Variants in PLCE1 observed in about 807,000 individuals in gnomAD.
The protein encoded by PLCE1 is 1-phosphatidylinositol 4,5-bisphosphate phosphodiesterase epsilon-1.
Under a neutral mutation model 242.8 loss-of-function variants are expected in PLCE1, and 119 were observed. That is an observed-to-expected ratio of 0.49 (90% CI 0.42 to 0.57). The LOEUF (loss-of-function observed/expected upper bound fraction) is 0.57, where lower values mean the gene tolerates loss of function less well. Among genes scored for constraint, PLCE1 ranks in the 20% least tolerant of loss-of-function variants. The pLI, the probability that PLCE1 is intolerant of heterozygous loss-of-function variation, is 0.00. For synonymous variants in PLCE1, 945 were observed against 1,017.4 expected (o/e 0.93, Z 1.35); for missense variants, 2,441 against 2,788.8 (o/e 0.88, Z 2.81).
At chr10:94,110,058 CTTTTTTT>C (rs33974566) in intron 2 of PLCE1, among the ~76,000 whole-genome samples, 2 of 75,890 alleles carry the variant, frequency 2.6e-5, no homozygotes, top group South Asian at 6.2e-4. Flanking sequence ...TTTCTTTTTT[CTTTTTTT>C]TTTTTTTTTT....
intron 5 of PLCE1, among the ~76,000 whole-genome samples, chr10:94,231,765 G>A (rs909656130): frequency 6.6e-6 from 1 of 152,136 alleles, no homozygotes; most frequent in African/African-American, 2.4e-5. Context: ...CTCATAAGGA[G>A]CGTGCAACCT....
chr10:94,192,564 G>A (rs371856236), intron 4 of PLCE1, among the ~76,000 whole-genome samples: 7 of 152,070 alleles, frequency 4.6e-5, no homozygotes, highest in East Asian at 3.9e-4. Context: ...TGGTATATAC[G>A]TATATCCAAT....
At chr10:94,164,006 T>G (rs186992464) in intron 3 of PLCE1, among the ~76,000 whole-genome samples, 3 of 152,242 alleles carry the variant, frequency 2.0e-5, no homozygotes, top group African/African-American at 7.2e-5. Context: ...TTGTAGAGTT[T>G]CTGCCGAGAG....
At chr10:94,054,735 G>A (rs567124042) in intron 2 of PLCE1, among the ~76,000 whole-genome samples, 79 of 152,126 alleles carry the variant, frequency 5.2e-4, no homozygotes, top group Admixed American at 7.2e-4. Context: ...TGTTCAGGCC[G>A]AGTGCAGTGG....
At chr10:94,110,951 A>G (rs936349781) in intron 2 of PLCE1, among the ~76,000 whole-genome samples, 3 of 152,216 alleles carry the variant, frequency 2.0e-5, no homozygotes, top group Non-Finnish European at 4.4e-5. Context: ...TGCCTGTAGC[A>G]TGCCCTCAGT....
At chr10:94,246,901 C>A (rs1056344442) in intron 8 of PLCE1, among the ~76,000 whole-genome samples, 9 of 152,154 alleles carry the variant, frequency 5.9e-5, no homozygotes, top group Non-Finnish European at 2.9e-5. Flanking sequence ...CACCCAAGGT[C>A]AGGAGTTTGA....
chr10:94,149,520 G>T (rs1243746616), intron 3 of PLCE1, among the ~76,000 whole-genome samples: 2 of 152,184 alleles, frequency 1.3e-5, no homozygotes, highest in East Asian at 1.9e-4. Flanking sequence ...GCAACTAAAA[G>T]TGTGGTCCCA....
intron 4 of PLCE1, among the ~76,000 whole-genome samples, chr10:94,207,555 A>G (rs920716032): frequency 7.2e-6 from 1 of 137,984 alleles, no homozygotes; most frequent in African/African-American, 2.9e-5. Flanking sequence ...GTGTGTGTGT[A>G]TAGACTTTTT....
intron 2 of PLCE1, among the ~76,000 whole-genome samples, chr10:94,053,614 G>T (rs912895733): frequency 6.6e-6 from 1 of 152,190 alleles, no homozygotes; most frequent in Non-Finnish European, 1.5e-5. Context: ...CTCAAGAAAG[G>T]CTTATTGAAT....
chr10:94,058,988 G>A (rs1284770805), intron 2 of PLCE1, among the ~76,000 whole-genome samples: 1 of 152,104 alleles, frequency 6.6e-6, no homozygotes, highest in East Asian at 1.9e-4. Context: ...GTACCTATGG[G>A]CATATAGTTT....
At chr10:94,256,544 A>T (rs1270646278) in intron 11 of PLCE1, among the ~76,000 whole-genome samples, 2 of 152,080 alleles carry the variant, frequency 1.3e-5, no homozygotes, top group East Asian at 3.9e-4. Flanking sequence ...TTTTATGTAA[A>T]TTTAGATTCA....
At chr10:94,202,342 G>A (rs1253407427) in intron 4 of PLCE1, among the ~76,000 whole-genome samples, 3 of 151,856 alleles carry the variant, frequency 2.0e-5, no homozygotes, top group African/African-American at 7.3e-5. Flanking sequence ...GCCTTTAAAG[G>A]ATATGTAGCA....
chr10:94,002,660 AC>A (rs1299989065), intron 1 of PLCE1, among the ~76,000 whole-genome samples: 3 of 152,208 alleles, frequency 2.0e-5, no homozygotes, highest in Non-Finnish European at 4.4e-5. Context: ...TCCAATACTT[AC>A]AATTGAGGGG....
intron 3 of PLCE1, among the ~76,000 whole-genome samples, chr10:94,141,674 A>AAAGGAAGG (rs1554865142): frequency 9.3e-6 from 1 of 107,120 alleles, no homozygotes; most frequent in Non-Finnish European, 1.8e-5. Flanking sequence ...GGGAGGGAGG[A>AAAGGAAGG]AAGAAAGAAG....
Position 94,283,813 on chromosome 10 carries a change from G to A in PLCE1, c.4819G>A (p.Glu1607Lys). The A allele has an allele frequency of 1.2e-6, 2 of 1,611,926 alleles. No homozygotes were observed. The highest frequency in any genetic ancestry group is 1.7e-6 in the Non-Finnish European group (2 of 1,178,520). ...AGACAACATTCTGGAAGACAGACCT[G>A]AAAATAAATCATGTAATGACAAGCT... ...SDDNILEDRP[E>K]NKSCNDKLQF... Residue 1607 changes from glutamate to lysine, a missense_variant, in exon 21 of 33, where the codon GAA becomes AAA. Around this residue, in one of 5 missense-constraint regions of PLCE1, gnomAD observed 1,004 missense variants for 1,322.7 expected, o/e 0.76. Coordinates refer to ENST00000371380, the MANE Select transcript of PLCE1 (RefSeq NM_016341.4).
intron 1 of PLCE1, among the ~76,000 whole-genome samples, chr10:94,028,920 T>C (rs1267196834): frequency 6.6e-6 from 1 of 152,070 alleles, no homozygotes; most frequent in Non-Finnish European, 1.5e-5. Flanking sequence ...TTTCAAAAGG[T>C]GGACCCTAAT....
At chr10:94,066,074 G>C (rs561826283) in intron 2 of PLCE1, among the ~76,000 whole-genome samples, 1 of 152,218 alleles carries the variant, frequency 6.6e-6, no homozygotes, top group South Asian at 2.1e-4. Flanking sequence ...ATACTCTCAG[G>C]GGGAGGAGAA....
intron 1 of PLCE1, among the ~76,000 whole-genome samples, chr10:94,020,150 T>C (rs1259040717): frequency 6.6e-6 from 1 of 152,226 alleles, no homozygotes; most frequent in Non-Finnish European, 1.5e-5. Context: ...GCTCTATGTT[T>C]TTACCAACTT....
intron 3 of PLCE1, among the ~76,000 whole-genome samples, chr10:94,137,171 C>T (rs542264310): frequency 5.3e-5 from 8 of 152,104 alleles, no homozygotes; most frequent in East Asian, 1.9e-4. Flanking sequence ...CCAGCCTGGG[C>T]GACAGAGCAA....
Sources: allele counts gnomAD v4.1 joint callset (sites outside exome capture counted in the v4.1 genomes callset), GRCh38; gene constraint gnomAD v4.1.1; regional missense constraint gnomAD v4.1.1; transcripts MANE v1.5; gene names NCBI Gene and HGNC (gene_info 2026-07-23, HGNC 2026-07-21).